Variants in LINGO2 observed in about 807,000 individuals in gnomAD.
LINGO2 encodes the protein leucine rich repeat and Ig domain containing 2, also known as leucine-rich repeat and immunoglobulin-like domain-containing nogo receptor-interacting protein 2.
Under a neutral mutation model 30.6 loss-of-function variants are expected in LINGO2, and 14 were observed. The ratio of observed to expected loss-of-function variants is 0.46; its 90% CI spans 0.30 to 0.72. LINGO2 has a LOEUF of 0.72. Among genes scored for constraint, LINGO2 ranks in the 30% least tolerant of loss-of-function variants. The probability of loss-of-function intolerance (pLI) is 0.07; values close to 1 mark genes in which losing one functional copy is unlikely to be tolerated. For missense variants in LINGO2, 729 were observed against 751.7 expected, an observed-to-expected ratio of 0.97 and a Z score of 0.35; for synonymous variants, 317 against 288.5, an observed-to-expected ratio of 1.10 and a Z score of -1.00.
intron 1 of LINGO2, among the ~76,000 whole-genome samples, chr9:28,495,482 C>T (rs1423177159): frequency 1.3e-5 from 2 of 152,060 alleles, no homozygotes; most frequent in East Asian, 1.9e-4. Context: ...GAATCCTTTC[C>T]CCATTTCTTG....
At chr9:28,055,220 G>A (rs944893792) in intron 4 of LINGO2, among the ~76,000 whole-genome samples, 1 of 152,046 alleles carries the variant, frequency 6.6e-6, no homozygotes, top group Non-Finnish European at 1.5e-5. Flanking sequence ...TCTTATGAAC[G>A]TGAAAATAAC....
rs58939557 is a variant in LINGO2, at chr9:28,261,468, G to A, written c.-87+33740C>T. On this transcript the variant is annotated intron_variant, in intron 4 of 5. Transcript: ENST00000379992. Reference sequence around the variant, plus strand: ...TCCAACACTACTGCTTTGCTACATAGGAGACTTTTATGCACAAAATCTCAC... The same window carrying A: ...TCCAACACTACTGCTTTGCTACATAAGAGACTTTTATGCACAAAATCTCAC... 0.015 allele frequency among the ~76,000 whole-genome samples: 2,292 copies of A among 151,870 alleles called. 124 individuals carry two copies. The East Asian group carries it at 0.18, about 12-fold the overall frequency.
chr9:28,364,021 G>C, intron 3 of LINGO2, among the ~76,000 whole-genome samples: 1 of 151,208 alleles, frequency 6.6e-6, no homozygotes. Context: ...TCGCTTTTTG[G>C]GTAAAGATGG....
the LINGO2 span, among the ~76,000 whole-genome samples, chr9:28,995,405 C>G: frequency 1.3e-5 from 2 of 152,234 alleles, no homozygotes; most frequent in South Asian, 4.1e-4. Flanking sequence ...AATAGGAACA[C>G]TTTGACACTG....
At chr9:28,407,660 A>G (rs1253003465) in intron 2 of LINGO2, among the ~76,000 whole-genome samples, 2 of 152,170 alleles carry the variant, frequency 1.3e-5, no homozygotes, top group Non-Finnish European at 2.9e-5. Flanking sequence ...GTATGAAATG[A>G]CGCATGCTAA....
chr9:29,071,209 G>A, the LINGO2 span, among the ~76,000 whole-genome samples: 1 of 130,314 alleles, frequency 7.7e-6, no homozygotes, highest in African/African-American at 2.7e-5. Flanking sequence ...GTATTTTTTA[G>A]AGACAGGGTT....
chr9:29,166,608 A>G, the LINGO2 span, among the ~76,000 whole-genome samples: 1 of 152,136 alleles, frequency 6.6e-6, no homozygotes, highest in Non-Finnish European at 1.5e-5. Flanking sequence ...GTATTTTAGA[A>G]AATGTTAATA....
intron 1 of LINGO2, among the ~76,000 whole-genome samples, chr9:28,596,488 A>G (rs13288065): frequency 0.26 from 39,125 of 152,028 alleles, 5,398 homozygotes; most frequent in Admixed American, 0.34. Flanking sequence ...AGAAAAATCA[A>G]TTCTTAGTAG....
At chr9:27,943,451 TATAA>T (rs999919654), downstream of LINGO2, 1 of 152,164 alleles carries the variant, frequency 6.6e-6, no homozygotes, top group Non-Finnish European at 1.5e-5. Flanking sequence ...CTGCTAAGGC[TATAA>T]ATAAAGCTTT....
chr9:28,703,436 T>C, the LINGO2 span, among the ~76,000 whole-genome samples: 1 of 151,892 alleles, frequency 6.6e-6, no homozygotes, highest in Non-Finnish European at 1.5e-5. Flanking sequence ...TCTCCCTTTA[T>C]GTATTTCTAA....
intron 4 of LINGO2, among the ~76,000 whole-genome samples, chr9:28,251,286 G>A (rs1822189914): frequency 6.6e-6 from 1 of 152,080 alleles, no homozygotes; most frequent in Admixed American, 6.6e-5. Flanking sequence ...CATCAAAGAA[G>A]ATAGTTCCCT....
intron 2 of LINGO2, among the ~76,000 whole-genome samples, chr9:28,430,109 C>CACGTGTGTGT (rs1554720107): frequency 3.2e-4 from 43 of 136,204 alleles, no homozygotes; most frequent in African/African-American, 9.5e-4. Flanking sequence ...CGCGCGCGCG[C>CACGTGTGTGT]GTGTGTGTGT....
chr9:28,611,190 C>G (rs955862454), intron 1 of LINGO2, among the ~76,000 whole-genome samples: 2 of 152,040 alleles, frequency 1.3e-5, no homozygotes. Context: ...GGGGAAAATA[C>G]TTTTTCCAGC....
At chr9:28,138,024 G>C (rs747049903) in intron 4 of LINGO2, among the ~76,000 whole-genome samples, 95 of 152,106 alleles carry the variant, frequency 6.2e-4, no homozygotes, top group Non-Finnish European at 1.2e-3. Flanking sequence ...TATCAAGTTT[G>C]TTCTTATAAA....
chr9:27,996,987 C>A (rs190198876), intron 5 of LINGO2, among the ~76,000 whole-genome samples: 2 of 152,276 alleles, frequency 1.3e-5, no homozygotes, highest in Admixed American at 1.3e-4. Context: ...TTATTTTCAG[C>A]TTTAGCTGAC....
chr9:29,118,247 ACC>A, the LINGO2 span, among the ~76,000 whole-genome samples: 1 of 152,076 alleles, frequency 6.6e-6, no homozygotes, highest in South Asian at 2.1e-4. Flanking sequence ...TACCTCACTT[ACC>A]CTCTCATTTG....
chr9:28,950,567 G>A, the LINGO2 span, among the ~76,000 whole-genome samples: 9 of 144,688 alleles, frequency 6.2e-5, no homozygotes, highest in East Asian at 2.2e-4. Flanking sequence ...CAAAATCAAT[G>A]TGCAAAAATC....
the LINGO2 span, among the ~76,000 whole-genome samples, chr9:29,026,005 T>C: frequency 4.9e-4 from 74 of 152,230 alleles, no homozygotes; most frequent in Admixed American, 2.2e-3. Flanking sequence ...TGTTCCATTG[T>C]GCAGAAATTT....
At chr9:28,634,276 G>A (rs1001408164) in intron 1 of LINGO2, among the ~76,000 whole-genome samples, 34 of 152,028 alleles carry the variant, frequency 2.2e-4, no homozygotes, top group Admixed American at 2.1e-3. Flanking sequence ...ATACACAACT[G>A]AGGGAATGTT....
Sources: gnomAD v4.1 joint callset for allele counts (sites outside exome capture counted in the v4.1 genomes callset) on GRCh38, gnomAD v4.1.1 for gene constraint, MANE v1.5 for transcripts, NCBI Gene and HGNC (gene_info 2026-07-23, HGNC 2026-07-21) for gene names.